The following COL6A6 variants were observed in gnomAD, a reference collection of about 807,000 sequenced individuals.
The protein encoded by COL6A6 is collagen type VI alpha 6 chain, also known as collagen alpha-6(VI) chain.
A neutral mutation model predicts 208.6 loss-of-function variants in COL6A6; 183 were observed. The ratio of observed to expected loss-of-function variants is 0.88; its 90% CI spans 0.78 to 0.99. The LOEUF (loss-of-function observed/expected upper bound fraction) is 0.99. COL6A6 is among the 50% of genes least tolerant of loss of function. The pLI is 0.00. For missense variants in COL6A6, 2,816 were observed against 2,815.2 expected, an observed-to-expected ratio of 1.00 and a Z score of -0.01; for synonymous variants, 973 against 1,011.8, an observed-to-expected ratio of 0.96 and a Z score of 0.73.
chr3:130,564,259 C>G (rs2062964305), intron 3 of COL6A6, among the ~76,000 whole-genome samples: 2 of 152,222 alleles, frequency 1.3e-5, no homozygotes, highest in Non-Finnish European at 2.9e-5. Flanking sequence ...CTGCCCTGTT[C>G]TGAATTAGTT....
At position 130,574,532 on chromosome 3, in the gene COL6A6, A is replaced by G. The variant is rs2107959933; in HGVS notation, c.3547+7A>G. On this transcript the variant is annotated splice_region_variant and intron_variant, in intron 8 of 36. Coordinates refer to ENST00000358511, the MANE Select transcript of COL6A6 (RefSeq NM_001102608.3). ...ACCACAGCGGGTGAAAGCAGTAAGT[A>G]TTTAGCAAGTTCTTCATTCGATTCC... 2 of 1,607,140 alleles carry G rather than the reference A, an allele frequency of 1.2e-6. No individual in the cohort carries two copies. The highest frequency in any genetic ancestry group is 1.7e-6 in the Non-Finnish European group (2 of 1,174,568).
intron 4 of COL6A6, 23 bp from the exon 5 acceptor site, chr3:130,566,679 G>T: frequency 6.4e-7 from 1 of 1,554,892 alleles, no homozygotes; most frequent in Non-Finnish European, 8.7e-7. Flanking sequence ...AATGCCACAT[G>T]CAACTTATTG....
At chr3:130,567,978 T>G in intron 5 of COL6A6, 69 bp from the exon 6 acceptor site, 1 of 1,233,220 alleles carries the variant, frequency 8.1e-7, no homozygotes, top group South Asian at 1.5e-5. Flanking sequence ...GTGTTTTGGA[T>G]TTTCCTGTTT....
chr3:130,649,662 G>A (rs1559787903), intron 33 of COL6A6, 100 bp downstream of exon 33: 2 of 1,313,252 alleles, frequency 1.5e-6, no homozygotes, highest in South Asian at 1.6e-5. Context: ...CCATTTGTTA[G>A]GAAGTTTAAA....
chr3:130,649,326 T>C lies in COL6A6; in HGVS notation c.5497T>C (p.Tyr1833His), dbSNP rs199922994. 114 of 1,609,102 alleles carry C rather than the reference T, an allele frequency of 7.1e-5. No homozygotes were observed. The Admixed American group carries it at 1.2e-3, about 18-fold the overall frequency. ...QLLREIETIP[Y>H]ERSSASREIG... ...TCTCAGAGAAATTGAAACTATTCCT[T>C]ATGAGAGATCCTCTGCCAGCAGGGA... Residue 1833 changes from tyrosine to histidine, a missense_variant, in exon 33 of 37, where the codon TAT (tyrosine) becomes CAT (histidine). Transcript: ENST00000358511.
At chr3:130,525,640 G>A (rs1226960421) in intron 1 of COL6A6, among the ~76,000 whole-genome samples, 2 of 151,592 alleles carry the variant, frequency 1.3e-5, no homozygotes, top group Non-Finnish European at 2.9e-5. Flanking sequence ...GAAAAAGACA[G>A]AAGTCATGAG....
intron 11 of COL6A6, among the ~76,000 whole-genome samples, chr3:130,587,850 G>A (rs1386741915): frequency 1.3e-5 from 2 of 152,102 alleles, no homozygotes; most frequent in African/African-American, 4.8e-5. Context: ...TGGGAAGACA[G>A]TGTTTTTACA....
intron 22 of COL6A6, among the ~76,000 whole-genome samples, chr3:130,609,952 C>CTTT (rs1054764231): frequency 0.022 from 2,584 of 116,186 alleles, 34 homozygotes; most frequent in East Asian, 0.044. Flanking sequence ...GGAAAGCTCA[C>CTTT]TTTTTTTTTT....
intron 8 of COL6A6, among the ~76,000 whole-genome samples, chr3:130,575,223 G>A (rs918745599): frequency 1.3e-5 from 2 of 152,038 alleles, no homozygotes; most frequent in Non-Finnish European, 2.9e-5. Flanking sequence ...CTGCTCTATG[G>A]CCATTTTTTT....
At chr3:130,614,517 GC>G (rs953324480) in intron 23 of COL6A6, among the ~76,000 whole-genome samples, 53 of 152,270 alleles carry the variant, frequency 3.5e-4, no homozygotes, top group South Asian at 8.3e-4. Flanking sequence ...GATGATGCTG[GC>G]CTCGTAGAAT....
At chr3:130,673,220 A>ACAAAAAAAAAACC (rs571267229) in intron 36 of COL6A6, among the ~76,000 whole-genome samples, 18 of 129,638 alleles carry the variant, frequency 1.4e-4, no homozygotes, top group African/African-American at 5.2e-4. Flanking sequence ...AAAAAAACAA[A>ACAAAAAAAAAACC]AAAAAAAAAC....
chr3:130,659,835 T>C (rs1576416261), intron 34 of COL6A6, among the ~76,000 whole-genome samples: 1 of 152,208 alleles, frequency 6.6e-6, no homozygotes, highest in Non-Finnish European at 1.5e-5. Context: ...ATGAGGAAGG[T>C]AGTAATTCTG....
chr3:130,670,481 G>A (rs1480410572), intron 36 of COL6A6, among the ~76,000 whole-genome samples: 1 of 152,146 alleles, frequency 6.6e-6, no homozygotes, highest in Non-Finnish European at 1.5e-5. Context: ...ACGTGTTGGG[G>A]AGTCGGAACC....
intron 36 of COL6A6, among the ~76,000 whole-genome samples, chr3:130,668,350 CATCTGTA>C (rs1332569949): frequency 6.6e-6 from 1 of 151,950 alleles, no homozygotes; most frequent in African/African-American, 2.4e-5. Flanking sequence ...TGGTGGCGGG[CATCTGTA>C]ATCCCAGCTA....
intron 1 of COL6A6, among the ~76,000 whole-genome samples, chr3:130,535,068 T>G (rs1291027399): frequency 6.6e-6 from 1 of 152,148 alleles, no homozygotes; most frequent in Non-Finnish European, 1.5e-5. Flanking sequence ...GTATTTTCCT[T>G]CAGTTCTGGA....
chr3:130,649,497 G>A lies in COL6A6; in HGVS notation c.5668G>A (p.Ala1890Thr), dbSNP rs1229942499. Residue 1890 changes from alanine (A) to threonine (T), a missense_variant, in exon 33 of 37, where the codon GCG becomes ACG. Ala to Thr is a moderately conservative substitution (Grantham distance 58). Transcript: ENST00000358511. Reference protein sequence around the residue: ...SITTAAMEFGALEIIPVVITF... With the variant: ...SITTAAMEFGTLEIIPVVITF... ...CACCACGGCTGCCATGGAGTTCGGC[G>A]CGCTTGAAATCATTCCCGTGGTGAT... is the stretch of plus-strand genomic sequence containing the variant. 2.5e-6 allele frequency: 4 copies of A among 1,606,854 alleles called. No individual in the cohort carries two copies. Among genetic ancestry groups the A allele is most frequent in the Middle Eastern group, 1.6e-4 (1 of 6,078 alleles).
intron 1 of COL6A6, among the ~76,000 whole-genome samples, chr3:130,536,607 C>T (rs1379894231): frequency 1.3e-5 from 2 of 152,144 alleles, no homozygotes; most frequent in Non-Finnish European, 2.9e-5. Flanking sequence ...TATTTAAACA[C>T]ACATCTAAGG....
chr3:130,583,961 A>G (rs1449342657), intron 10 of COL6A6, among the ~76,000 whole-genome samples: 1 of 152,184 alleles, frequency 6.6e-6, no homozygotes, highest in Non-Finnish European at 1.5e-5. Flanking sequence ...ACTGAACAAG[A>G]GGAGACAAGG....
chr3:130,588,917 CAA>C (rs58377635), intron 11 of COL6A6, among the ~76,000 whole-genome samples, 171 bp from the exon 12 acceptor site: 211 of 68,208 alleles, frequency 3.1e-3, no homozygotes, highest in East Asian at 8.7e-3. Flanking sequence ...AAGATGGAAG[CAA>C]AAAAAAAAAA....
Sources: gnomAD v4.1 joint callset for allele counts (sites outside exome capture counted in the v4.1 genomes callset) on GRCh38, gnomAD v4.1.1 for gene constraint, MANE v1.5 for transcripts, NCBI Gene and HGNC (gene_info 2026-07-23, HGNC 2026-07-21) for gene names.